CCDC171: variants seen among roughly 807,000 people sequenced by gnomAD.
CCDC171 encodes the protein coiled-coil domain containing 171.
In CCDC171, 177 loss-of-function variants were observed where a neutral mutation model predicts 168.2. That is an observed-to-expected ratio of 1.05 (90% CI 0.93 to 1.19). CCDC171 has a LOEUF of 1.19. Ranked by LOEUF, CCDC171 falls within the 50% of genes most tolerant of loss-of-function variation. The probability of loss-of-function intolerance (pLI) is 0.00; values close to 1 mark genes in which losing one functional copy is unlikely to be tolerated. For missense variants in CCDC171, 1,991 were observed against 1,539.0 expected (o/e 1.29, Z -4.91); for synonymous variants, 687 against 540.8 (o/e 1.27, Z -3.75).
chr9:15,566,900 G>C (rs527579134), intron 2 of CCDC171, among the ~76,000 whole-genome samples: 2 of 152,128 alleles, frequency 1.3e-5, no homozygotes, highest in Non-Finnish European at 1.5e-5. Flanking sequence ...AGTTGTTCCA[G>C]CAGCGTTGTT....
chr9:16,078,211 C>T, the CCDC171 span, among the ~76,000 whole-genome samples: 3 of 152,044 alleles, frequency 2.0e-5, no homozygotes, highest in Non-Finnish European at 2.9e-5. Flanking sequence ...GTCAGTTCTA[C>T]CTCAATAAAG....
chr9:15,688,520 C>A (rs2050568855), intron 10 of CCDC171, among the ~76,000 whole-genome samples: 1 of 152,126 alleles, frequency 6.6e-6, no homozygotes, highest in African/African-American at 2.4e-5. Context: ...GATATTACAC[C>A]ATGATCAAGT....
At chr9:15,744,820 C>A in intron 17 of CCDC171, 43 bp downstream of exon 17, 1 of 1,566,370 alleles carries the variant, frequency 6.4e-7, no homozygotes, top group Non-Finnish European at 8.6e-7. Flanking sequence ...TGCATGTAAG[C>A]GAAATACAGT....
chr9:15,981,655 GC>G (rs553146020), intron 3 of CCDC171, among the ~76,000 whole-genome samples: 23 of 152,232 alleles, frequency 1.5e-4, no homozygotes, highest in Non-Finnish European at 2.8e-4. Flanking sequence ...TTAGAAGTAC[GC>G]AGCTCATTTT....
chr9:15,907,389 C>G lies in CCDC171; in HGVS notation c.3601-12881C>G, dbSNP rs555767439. On this transcript the variant is annotated intron_variant, in intron 24 of 25. Transcript: ENST00000380701. Reference sequence around the variant, plus strand: ...ACCATCTGATCTTTGACAAACCTGACAAAAACAAGAAATGGGGAAACGATT... The same window carrying G: ...ACCATCTGATCTTTGACAAACCTGAGAAAAACAAGAAATGGGGAAACGATT... 1.3e-3 allele frequency among the ~76,000 whole-genome samples: 196 copies of G among 152,194 alleles called. 1 individual carries two copies. Among genetic ancestry groups the G allele is most frequent in the Non-Finnish European group, 2.4e-3 (164 of 68,002 alleles).
exon 2 of CCDC171, chr9:16,060,949 T>C (rs1212557190): frequency 6.6e-6 from 1 of 152,246 alleles, no homozygotes; most frequent in Non-Finnish European, 1.5e-5. Flanking sequence ...GGAAATTCCC[T>C]GGAAAGTCCC....
At chr9:15,986,652 G>C (rs3008737) in intron 3 of CCDC171, among the ~76,000 whole-genome samples, 130,005 of 152,208 alleles carry the variant, frequency 0.85, 55,548 homozygotes, top group East Asian at 0.96. Flanking sequence ...GCTGGAGATG[G>C]AGACCAACTT....
At chr9:15,645,833 A>T (rs578132381) in intron 7 of CCDC171, among the ~76,000 whole-genome samples, 1 of 152,348 alleles carries the variant, frequency 6.6e-6, no homozygotes, top group Non-Finnish European at 1.5e-5. Flanking sequence ...TCAGGATATT[A>T]TCCAGGAGAA....
chr9:16,098,584 A>T, the CCDC171 span, among the ~76,000 whole-genome samples: 60,083 of 151,960 alleles, frequency 0.4, 12,304 homozygotes, highest in African/African-American at 0.48. Context: ...TTCCCAGTGT[A>T]CTGTGTTAAT....
chr9:15,839,037 A>G (rs190764713), intron 21 of CCDC171, among the ~76,000 whole-genome samples: 39 of 152,316 alleles, frequency 2.6e-4, no homozygotes, highest in Middle Eastern at 6.8e-3. Context: ...CAACAGCCCA[A>G]TGTGTCTTGA....
intron 16 of CCDC171, among the ~76,000 whole-genome samples, chr9:15,732,693 G>C (rs1490531174): frequency 6.6e-6 from 1 of 152,242 alleles, no homozygotes; most frequent in African/African-American, 2.4e-5. Context: ...AATACTTGCT[G>C]ATGGGCCTTT....
chr9:15,992,538 C>G (rs1248672944), intron 3 of CCDC171, among the ~76,000 whole-genome samples: 1 of 152,128 alleles, frequency 6.6e-6, no homozygotes, highest in Non-Finnish European at 1.5e-5. Flanking sequence ...GGGCACAAGA[C>G]AGGGATGCCC....
chr9:15,727,436 T>C (rs1260982127), intron 14 of CCDC171, among the ~76,000 whole-genome samples: 1 of 152,230 alleles, frequency 6.6e-6, no homozygotes, highest in Admixed American at 6.5e-5. Context: ...TCTGTATTGT[T>C]TTTTGACAAG....
intron 9 of CCDC171, among the ~76,000 whole-genome samples, chr9:15,676,865 T>G (rs1013543912): frequency 9.2e-5 from 14 of 152,176 alleles, no homozygotes; most frequent in Non-Finnish European, 1.6e-4. Flanking sequence ...CTCTGGAAAC[T>G]TAACACAGAG....
At chr9:15,877,108 T>C (rs1432279321) in intron 24 of CCDC171, among the ~76,000 whole-genome samples, 1 of 152,096 alleles carries the variant, frequency 6.6e-6, no homozygotes. Flanking sequence ...GACTGATGCT[T>C]TTCTATGGAG....
At chr9:15,906,675 C>A (rs1275303982) in intron 24 of CCDC171, among the ~76,000 whole-genome samples, 1 of 152,066 alleles carries the variant, frequency 6.6e-6, no homozygotes, top group African/African-American at 2.4e-5. Flanking sequence ...CTGGCCAGGG[C>A]AATCAGGCAG....
At chr9:15,557,941 G>C (rs369386408) in intron 1 of CCDC171, among the ~76,000 whole-genome samples, 1 of 152,074 alleles carries the variant, frequency 6.6e-6, no homozygotes, top group African/African-American at 2.4e-5. Flanking sequence ...AGAGTTTTTA[G>C]CATGAAGTGT....
chr9:15,793,163 G>T (rs1239319285), intron 21 of CCDC171, among the ~76,000 whole-genome samples: 2 of 151,678 alleles, frequency 1.3e-5, no homozygotes, highest in Non-Finnish European at 1.5e-5. Flanking sequence ...AAAAAGGCAG[G>T]GGTTGCAATC....
chr9:15,963,475 T>G (rs1830533672), intron 25 of CCDC171, among the ~76,000 whole-genome samples: 2 of 152,150 alleles, frequency 1.3e-5, no homozygotes. Context: ...AATTGCTAGG[T>G]CAAAGGAAGA....
Sources: gnomAD v4.1 joint callset for allele counts (sites outside exome capture counted in the v4.1 genomes callset) on GRCh38, gnomAD v4.1.1 for gene constraint, MANE v1.5 for transcripts, NCBI Gene and HGNC (gene_info 2026-07-23, HGNC 2026-07-21) for gene names.